DST: variants seen among roughly 807,000 people sequenced by gnomAD.
DST encodes the protein bullous pemphigoid antigen.
DST carries 253 observed loss-of-function variants against 875.2 expected under a neutral mutation model. The ratio of observed to expected loss-of-function variants is 0.29; its 90% CI spans 0.26 to 0.32. DST has a LOEUF of 0.32. Among genes scored for constraint, DST ranks in the 10% least tolerant of loss-of-function variants. The pLI, the probability that DST is intolerant of heterozygous loss-of-function variation, is 1.00. For missense variants in DST, 8,287 were observed against 9,111.6 expected (o/e 0.91, Z 3.68); for synonymous variants, 3,124 against 3,197.1 (o/e 0.98, Z 0.77).
At chr6:56,460,028 G>T in intron 103 of DST, 103 bp downstream of exon 103, 2 of 1,384,364 alleles carry the variant, frequency 1.4e-6, no homozygotes, top group Non-Finnish European at 1.9e-6. Flanking sequence ...GACTACCTCA[G>T]GGTCAATTTG....
rs1589156385 is a variant in DST, at chr6:56,720,090, T to C, written c.687+15138A>G. Among the ~76,000 whole-genome samples the C allele has an allele frequency of 2.6e-5, 4 of 152,296 alleles. No homozygotes were observed. The South Asian group carries it at 8.3e-4, about 32-fold the overall frequency. On this transcript the variant is annotated intron_variant, in intron 5 of 103. Transcript: ENST00000680361. ...CTCTTCCTAATAAGCCTGGGAGCACTATGGGAGACTGGAGTTTATTTCATC... is the reference window on the plus strand; with the variant it reads ...CTCTTCCTAATAAGCCTGGGAGCACCATGGGAGACTGGAGTTTATTTCATC...
intron 36 of DST, chr6:56,617,213 T>A (rs750178291): frequency 1.3e-6 from 2 of 1,598,138 alleles, no homozygotes; most frequent in Non-Finnish European, 1.7e-6. Flanking sequence ...TTTAAATTCA[T>A]CATCCCTGAC....
chr6:56,579,009 T>C, intron 49 of DST, 72 bp from the exon 50 acceptor site: 1 of 1,310,376 alleles, frequency 7.6e-7, no homozygotes, highest in South Asian at 1.7e-5. Context: ...GAAAAAATGA[T>C]TTCTAATAAG....
chr6:56,940,193 C>T (rs6929869), intron 2 of DST, among the ~76,000 whole-genome samples: 584 of 3,518 alleles, frequency 0.17, 8 homozygotes, highest in African/African-American at 0.2. Context: ...TACCCCCATA[C>T]ACACACACAC....
Position 56,517,578 on chromosome 6 carries a change from T to C in DST, c.18172A>G (p.Thr6058Ala), listed in dbSNP as rs761429429. 9.3e-6 allele frequency: 15 copies of C among 1,613,210 alleles called. No individual in the cohort carries two copies. The highest frequency in any genetic ancestry group is 1.3e-5 in the African/African-American group (1 of 74,882). ...CCCAGAGACATCAATTTTTTTTCTG[T>C]TTCAGTAATCCAGGATAACTCAGCA... ...ADAELSWITE[T>A]EKKLMSLGDI... Residue 6058 changes from threonine to alanine, a missense_variant, in exon 70 of 104, where the codon ACA becomes GCA. This residue lies in a region of DST where 777 missense variants were observed against 764.8 expected (regional missense o/e 1.02). Transcript: ENST00000680361.
chr6:56,570,104 T>C, intron 53 of DST, 92 bp from the exon 54 acceptor site: 1 of 923,884 alleles, frequency 1.1e-6, no homozygotes, highest in Non-Finnish European at 1.6e-6. Context: ...AGAAACCATC[T>C]TCCATGTACT....
Position 56,608,425 on chromosome 6 carries a change from C to T in DST, c.6203G>A (p.Gly2068Asp), listed in dbSNP as rs765321509. 2 of 1,613,672 alleles carry T rather than the reference C, an allele frequency of 1.2e-6. No homozygotes were observed. The highest frequency in any genetic ancestry group is 2.2e-5 in the East Asian group (1 of 44,884). The change falls in exon 40 of 104, where the codon GGC becomes GAC. Residue 2068 changes from glycine to aspartate, a missense_variant. This residue lies in a region of DST where 3,138 missense variants were observed against 3,116.6 expected (regional missense o/e 1.01). Transcript: ENST00000680361. ...SALLVLEAQR[G>D]YVGLIWPHSG... ...ATGGGGCCAAATGAGTCCAACATAG[C>T]CTCGCTGAGCTTCCAGGACCAGAAG... is the stretch of plus-strand genomic sequence containing the variant.
At chr6:56,645,323 T>C (rs1022170547) in intron 15 of DST, among the ~76,000 whole-genome samples, 3 of 152,118 alleles carry the variant, frequency 2.0e-5, no homozygotes, top group Admixed American at 6.6e-5. Context: ...CTGGATGTAG[T>C]GAGAGACAAA....
chr6:56,644,245 G>A (rs1259016160), intron 15 of DST, among the ~76,000 whole-genome samples: 4 of 151,928 alleles, frequency 2.6e-5, no homozygotes, highest in Non-Finnish European at 4.4e-5. Flanking sequence ...TACCTTTTCC[G>A]TAAAAGCTGC....
intron 3 of DST, among the ~76,000 whole-genome samples, chr6:56,879,568 T>A (rs971007092): frequency 6.6e-6 from 1 of 152,240 alleles, no homozygotes; most frequent in African/African-American, 2.4e-5. Context: ...TTAAGATAGA[T>A]AAAGAATTAT....
intron 4 of DST, among the ~76,000 whole-genome samples, chr6:56,766,069 C>T (rs1172503533): frequency 6.6e-6 from 1 of 152,170 alleles, no homozygotes; most frequent in African/African-American, 2.4e-5. Flanking sequence ...AAACCCAATC[C>T]ATCCACTCTA....
chr6:56,936,090 C>T (rs1342243354), intron 2 of DST, among the ~76,000 whole-genome samples: 1 of 152,098 alleles, frequency 6.6e-6, no homozygotes, highest in Non-Finnish European at 1.5e-5. Flanking sequence ...TGTAGCAATA[C>T]ACATCTCTAC....
chr6:56,648,793 C>T, intron 12 of DST, 104 bp from the exon 13 acceptor site: 2 of 959,692 alleles, frequency 2.1e-6, no homozygotes, highest in South Asian at 1.9e-5. Flanking sequence ...GTATTTGAAG[C>T]CTGACAGACA....
Position 56,504,140 on chromosome 6 carries a change from T to C in DST, c.19465-42A>G, listed in dbSNP as rs754638548. On this transcript the variant is annotated intron_variant, in intron 77 of 103. Coordinates refer to ENST00000680361, the MANE Select transcript of DST (RefSeq NM_001374736.1). ...CCCACGTGTTGTTACAACAGTACATTTGAAATTGCTACAGTATTTCAAGTA... is the reference window on the plus strand; with the variant it reads ...CCCACGTGTTGTTACAACAGTACATCTGAAATTGCTACAGTATTTCAAGTA... The C allele has an allele frequency of 1.1e-5, 14 of 1,306,606 alleles. No individual in the cohort carries two copies. The African/African-American group carries it at 1.6e-4, about 15-fold the overall frequency. 80.9% of individuals were successfully genotyped at this position (1,306,606 alleles called of 1,614,324 possible).
intron 53 of DST, among the ~76,000 whole-genome samples, 196 bp from the exon 54 acceptor site, chr6:56,570,208 T>C (rs1351051095): frequency 6.6e-6 from 1 of 152,142 alleles, no homozygotes; most frequent in Non-Finnish European, 1.5e-5. Context: ...AGGGACCAGT[T>C]TCGTAGAAGA....
chr6:56,920,895 ATTTTTTTTTTTTT>A (rs35394550), intron 2 of DST, among the ~76,000 whole-genome samples: 1 of 59,678 alleles, frequency 1.7e-5, no homozygotes, highest in Non-Finnish European at 3.1e-5. Context: ...CGCCCAGCTA[ATTTTTTTTTTTTT>A]TTTTTTTTTT....
At chr6:56,465,705 G>A (rs181868001) in intron 99 of DST, among the ~76,000 whole-genome samples, 3 of 151,264 alleles carry the variant, frequency 2.0e-5, no homozygotes, top group African/African-American at 4.9e-5. Flanking sequence ...CAGTATTTTC[G>A]GTCTTCATCA....
chr6:56,779,464 C>T (rs1332920184), intron 4 of DST, among the ~76,000 whole-genome samples: 7 of 152,042 alleles, frequency 4.6e-5, no homozygotes, highest in Admixed American at 1.3e-4. Flanking sequence ...TTGCCCATGC[C>T]TATGTCCTGA....
chr6:56,483,636 C>G (rs1212390362), intron 88 of DST: 2 of 144,674 alleles, frequency 1.4e-5, no homozygotes, highest in African/African-American at 5.2e-5. Flanking sequence ...AGAAGTGAGC[C>G]CAGAGCTCTT....
Sources: allele counts gnomAD v4.1 joint callset (sites outside exome capture counted in the v4.1 genomes callset), GRCh38; gene constraint gnomAD v4.1.1; regional missense constraint gnomAD v4.1.1; transcripts MANE v1.5; gene names NCBI Gene and HGNC (gene_info 2026-07-23, HGNC 2026-07-21).